The following PAQR9 variants were observed in gnomAD, a reference collection of about 807,000 sequenced individuals.
PAQR9 encodes the protein membrane progestin receptor epsilon.
In PAQR9, 12 loss-of-function variants were observed where a neutral mutation model predicts 24.0. The ratio of observed to expected loss-of-function variants is 0.50; its 90% CI spans 0.32 to 0.81. The LOEUF (loss-of-function observed/expected upper bound fraction) is 0.81. Among genes scored for constraint, PAQR9 ranks in the 30% least tolerant of loss-of-function variants. PAQR9 has a pLI of 0.03. For synonymous variants in PAQR9, 266 were observed against 237.6 expected, an observed-to-expected ratio of 1.12 and a Z score of -1.10; for missense variants, 418 against 520.8, an observed-to-expected ratio of 0.80 and a Z score of 1.92.
chr3:142,956,486 T>G lies in PAQR9; in HGVS notation c.*5717A>C, dbSNP rs1934792667. Among the ~76,000 whole-genome samples the G allele has an allele frequency of 6.6e-6, 1 of 152,226 alleles. No homozygotes were observed. Among genetic ancestry groups the G allele is most frequent in the Non-Finnish European group, 1.5e-5 (1 of 68,030 alleles). The stretch of plus-strand genomic sequence containing the variant: ...AGAGATTGATTGAGAACAAAAGCAT[T>G]AAAGCAAGTGCATTACATTTAGAAG... On this transcript the variant is annotated 3_prime_UTR_variant, in exon 1 of 1. Coordinates refer to ENST00000340634, the MANE Select transcript of PAQR9 (RefSeq NM_198504.4).
Position 142,962,795 on chromosome 3 carries a change from C to G in PAQR9, c.542G>C (p.Ser181Thr). The change falls in exon 1 of 1, where the codon AGC becomes ACC. Residue 181 changes from serine (S) to threonine (T), a missense_variant. Around this residue, in one of 3 missense-constraint regions of PAQR9, gnomAD observed 230 missense variants for 305.2 expected, o/e 0.75. Coordinates refer to ENST00000340634, the MANE Select transcript of PAQR9 (RefSeq NM_198504.4). ...AYYYYLLPGLSLLDARVMTPY... is the reference protein window; with the variant it reads ...AYYYYLLPGLTLLDARVMTPY... ...AGTCATGACTCTGGCATCCAGCAAGCTGAGGCCTGGCAACAGGTAGTAGTA... is the reference window on the plus strand; with the variant it reads ...AGTCATGACTCTGGCATCCAGCAAGGTGAGGCCTGGCAACAGGTAGTAGTA... 6.2e-7 allele frequency: 1 copy of G among 1,612,448 alleles called. No individual in the cohort carries two copies. Among genetic ancestry groups the G allele is most frequent in the South Asian group, 1.1e-5 (1 of 90,916 alleles).
rs751219897 is a variant in PAQR9 at position 142,958,884 on chromosome 3, G to A, written c.*3319C>T. ...TCTGGGAAGGTCATCCTCTTCACCTGAGCTGCAAGAACGGCAGGGAAGAAA... is the reference window on the plus strand; with the variant it reads ...TCTGGGAAGGTCATCCTCTTCACCTAAGCTGCAAGAACGGCAGGGAAGAAA... On this transcript the variant is annotated 3_prime_UTR_variant, in exon 1 of 1. Transcript: ENST00000340634. 1.3e-5 allele frequency among the ~76,000 whole-genome samples: 2 copies of A among 152,134 alleles called. No homozygotes were observed. Among genetic ancestry groups the A allele is most frequent in the Non-Finnish European group, 2.9e-5 (2 of 68,030 alleles).
At position 142,960,464 on chromosome 3, in the gene PAQR9, C is replaced by G. The variant is rs1215569643; in HGVS notation, c.*1739G>C. 4 of 152,844 alleles carry G rather than the reference C, an allele frequency of 2.6e-5. No individual in the cohort carries two copies. The allele number at this position is 152,844 out of a possible 1,614,324, so 9.5% of individuals were successfully genotyped here. A position where few individuals can be genotyped will look rare whatever the true frequency, so the allele number is the denominator to read the frequency against. On this transcript the variant is annotated 3_prime_UTR_variant, in exon 1 of 1. Transcript: ENST00000340634. Reference sequence around the variant, plus strand: ...CCAAGATAAGCCACCACTACCTGGGCAAGCTCTCCATCACCTACAAGCCAG... The same window carrying G: ...CCAAGATAAGCCACCACTACCTGGGGAAGCTCTCCATCACCTACAAGCCAG...
exon 3 of PAQR9, chr3:142,949,224 G>A (rs1216843383): frequency 6.6e-6 from 1 of 152,156 alleles, no homozygotes; most frequent in African/African-American, 2.4e-5. Flanking sequence ...GTTTCCTTTT[G>A]TACTTTATGA....
chr3:142,956,880 A>G lies in PAQR9; in HGVS notation c.*5323T>C, dbSNP rs1051508253. 1.3e-5 allele frequency among the ~76,000 whole-genome samples: 2 copies of G among 152,236 alleles called. No homozygotes were observed. The highest frequency in any genetic ancestry group is 4.8e-5 in the African/African-American group (2 of 41,462). Reference sequence around the variant, plus strand: ...GAACTGACATCCATTTTCACAATTAAGAAATAATTATTCACAATACCGAAG... The same window carrying G: ...GAACTGACATCCATTTTCACAATTAGGAAATAATTATTCACAATACCGAAG... On this transcript the variant is annotated 3_prime_UTR_variant, in exon 1 of 1. Coordinates refer to ENST00000340634, the MANE Select transcript of PAQR9 (RefSeq NM_198504.4).
In PAQR9 at chr3:142,955,052, T is replaced by C. The variant is rs577618041; in HGVS notation, c.*7151A>G. On this transcript the variant is annotated 3_prime_UTR_variant, in exon 1 of 1. Coordinates refer to ENST00000340634, the MANE Select transcript of PAQR9 (RefSeq NM_198504.4). ...TTTTTACTCCCTTCTTTCTCCGTCATCACCCTTAAATGAACTTAAAAACAA... is the reference window on the plus strand; with the variant it reads ...TTTTTACTCCCTTCTTTCTCCGTCACCACCCTTAAATGAACTTAAAAACAA... 6.6e-6 allele frequency among the ~76,000 whole-genome samples: 1 copy of C among 152,256 alleles called. No homozygotes were observed. Among genetic ancestry groups the C allele is most frequent in the Admixed American group, 6.5e-5 (1 of 15,296 alleles).
rs1934950015 is a variant in PAQR9, at chr3:142,963,328, C to T, written c.9G>A (p.Arg3=). 2 of 1,364,378 alleles carry T rather than the reference C, an allele frequency of 1.5e-6. No homozygotes were observed. The highest frequency in any genetic ancestry group is 1.7e-5 in the South Asian group (1 of 58,016). 84.5% of individuals were successfully genotyped at this position (1,364,378 alleles called of 1,614,324 possible). The change falls in exon 1 of 1, where the codon CGG becomes CGA. Residue 3 remains arginine, a synonymous_variant. Transcript: ENST00000340634. ...TGCCCGCGCCCCGGGGCTGCAGGCG[C>T]CGCGGCATGGTGCCCGGGGCTCGGC... MP[R]RLQPRGAGTK...
rs1472965891 is a variant in PAQR9 at position 142,955,817 on chromosome 3, A to G, written c.*6386T>C. On this transcript the variant is annotated 3_prime_UTR_variant, in exon 1 of 1. Transcript: ENST00000340634. Reference sequence around the variant, plus strand: ...AAGTTTCTAACCAGAATTTTTAAAAAGACTTTTAAATTTAGCCATGAGACA... The same window carrying G: ...AAGTTTCTAACCAGAATTTTTAAAAGGACTTTTAAATTTAGCCATGAGACA... Among the ~76,000 whole-genome samples the G allele has an allele frequency of 6.6e-6, 1 of 152,250 alleles. No individual in the cohort carries two copies. Among genetic ancestry groups the G allele is most frequent in the Non-Finnish European group, 1.5e-5 (1 of 68,042 alleles).
At chr3:142,949,689 A>G (rs1284728236), downstream of PAQR9, 1 of 152,236 alleles carries the variant, frequency 6.6e-6, no homozygotes, top group Non-Finnish European at 1.5e-5. Flanking sequence ...AGAAACTGAT[A>G]GTGGACTTCT....
At chr3:142,952,050 G>GC (rs1934722347), downstream of PAQR9, among the ~76,000 whole-genome samples, 1 of 149,680 alleles carries the variant, frequency 6.7e-6, no homozygotes, top group African/African-American at 2.4e-5. Flanking sequence ...AAAAAGAAGG[G>GC]GGGGGGGTGT....
rs1421368423 is a variant in PAQR9, at chr3:142,962,509, G to C, written c.828C>G (p.His276Gln). Residue 276 changes from histidine to glutamine, a missense_variant, in exon 1 of 1, where the codon CAC becomes CAG. Physicochemically the swap from His to Gln is conservative, Grantham distance 24 (BLOSUM62 0). Around this residue, in one of 3 missense-constraint regions of PAQR9, gnomAD observed 230 missense variants for 305.2 expected, o/e 0.75. Transcript: ENST00000340634. ...LRGENPTLFV[H>Q]FYRRYFWLVV... ...CCAGCCAGAAGTAGCGGCGGTAGAA[G>C]TGCACGAAGAGTGTGGGGTTCTCCC... is the stretch of plus-strand genomic sequence containing the variant. 2 of 1,612,762 alleles carry C rather than the reference G, an allele frequency of 1.2e-6. No homozygotes were observed. Among genetic ancestry groups the C allele is most frequent in the Non-Finnish European group, 1.7e-6 (2 of 1,179,278 alleles).
downstream of PAQR9, among the ~76,000 whole-genome samples, chr3:142,952,177 T>C (rs1039307079): frequency 6.6e-6 from 1 of 152,072 alleles, no homozygotes; most frequent in Non-Finnish European, 1.5e-5. Context: ...AAGTAGTTGA[T>C]GAACATACAG....
chr3:142,962,693 G>C lies in PAQR9; in HGVS notation c.644C>G (p.Pro215Arg). 1 of 1,612,710 alleles carries C rather than the reference G, an allele frequency of 6.2e-7. No homozygotes were observed. The highest frequency in any genetic ancestry group is 8.5e-7 in the Non-Finnish European group (1 of 1,179,660). The change falls in exon 1 of 1, where the codon CCT (proline) becomes CGT (arginine). Residue 215 changes from proline (P) to arginine (R), a missense_variant. Physicochemically the swap from Pro to Arg is moderately radical, Grantham distance 103. This residue lies in a region of PAQR9 where 230 missense variants were observed against 305.2 expected (regional missense o/e 0.75). Transcript: ENST00000340634. ...LIAAYRALVL[P>R]VAFVLAVACT... ...AGCCACCGCCAGCACGAAGGCCACA[G>C]GCAGCACCAGGGCGCGGTAGGCGGC...
downstream of PAQR9, chr3:142,952,871 A>C (rs776866828): frequency 2.2e-6 from 1 of 456,662 alleles, no homozygotes; most frequent in South Asian, 1.5e-5. Context: ...GCCAGAGGGC[A>C]AGAGAGCTGA....
downstream of PAQR9, among the ~76,000 whole-genome samples, chr3:142,952,584 A>G (rs920432377): frequency 2.0e-5 from 3 of 152,234 alleles, no homozygotes; most frequent in Non-Finnish European, 2.9e-5. Flanking sequence ...ATTGGCTCAC[A>G]TGGAAAAGTC....
At position 142,961,585 on chromosome 3, in the gene PAQR9, G is replaced by C. The variant is rs1252977728; in HGVS notation, c.*618C>G. 1.3e-5 allele frequency: 2 copies of C among 153,876 alleles called. No individual in the cohort carries two copies. The highest frequency in any genetic ancestry group is 1.4e-5 in the Non-Finnish European group (1 of 69,006). The allele number at this position is 153,876 out of a possible 1,614,324, so 9.5% of individuals were successfully genotyped here. A position where few individuals can be genotyped will look rare whatever the true frequency, so the allele number is the denominator to read the frequency against. The stretch of plus-strand genomic sequence containing the variant: ...CTATGTGACAAAGAAAATTCAGTGC[G>C]TACCACAGGCTTTGATAAATTATGA... On this transcript the variant is annotated 3_prime_UTR_variant, in exon 1 of 1. Coordinates refer to ENST00000340634, the MANE Select transcript of PAQR9 (RefSeq NM_198504.4).
upstream of PAQR9, chr3:142,963,911 C>T (rs911229636): frequency 1.0e-6 from 1 of 984,746 alleles, no homozygotes; most frequent in African/African-American, 1.7e-5. Flanking sequence ...ATGCGGGGGC[C>T]GCAGGCTGGT....
chr3:142,954,320 A>ATAAG (rs1934760811), downstream of PAQR9, among the ~76,000 whole-genome samples: 1 of 152,272 alleles, frequency 6.6e-6, no homozygotes, highest in Non-Finnish European at 1.5e-5. Flanking sequence ...CCTGGGTTAT[A>ATAAG]TAAGTATTTT....
In PAQR9 at chr3:142,962,812, G is replaced by A. The variant is rs745341903; in HGVS notation, c.525C>T (p.Tyr175=). 1 of 1,610,932 alleles carries A rather than the reference G, an allele frequency of 6.2e-7. No individual in the cohort carries two copies. Among genetic ancestry groups the A allele is most frequent in the South Asian group, 1.1e-5 (1 of 90,682 alleles). Residue 175 remains tyrosine (Y), a synonymous_variant, in exon 1 of 1, where the codon TAC becomes TAT. Transcript: ENST00000340634. ...GFGSTVAYYY[Y]LLPGLSLLDA... ...CCAGCAAGCTGAGGCCTGGCAACAG[G>A]TAGTAGTAGTAGGCCACCGTGCTGC...
Sources: gnomAD v4.1 joint callset for allele counts (sites outside exome capture counted in the v4.1 genomes callset) on GRCh38, gnomAD v4.1.1 for gene constraint, gnomAD v4.1.1 regional missense constraint, MANE v1.5 for transcripts, NCBI Gene and HGNC (gene_info 2026-07-23, HGNC 2026-07-21) for gene names.